The following SP140 variants were observed in gnomAD, a reference collection of about 807,000 sequenced individuals.
SP140 encodes the protein SP140 nuclear body protein.
A neutral mutation model predicts 125.0 loss-of-function variants in SP140; 81 were observed. The ratio of observed to expected loss-of-function variants is 0.65; its 90% CI spans 0.54 to 0.78. SP140 has a LOEUF of 0.78. SP140 is among the 30% of genes least tolerant of loss of function. The pLI is 0.00. For synonymous variants in SP140, 312 were observed against 354.0 expected (o/e 0.88, Z 1.33); for missense variants, 858 against 1,037.0 (o/e 0.83, Z 2.37).
At chr2:230,186,359 C>T in the SP140 span, among the ~76,000 whole-genome samples, 2 of 152,132 alleles carry the variant, frequency 1.3e-5, no homozygotes, top group African/African-American at 2.4e-5. Flanking sequence ...ATGCAAGCTC[C>T]ACTAGTGTAG....
chr2:230,302,723 G>C (rs951951188), intron 22 of SP140, among the ~76,000 whole-genome samples: 1 of 152,120 alleles, frequency 6.6e-6, no homozygotes, highest in Admixed American at 6.6e-5. Flanking sequence ...TCAGACCACA[G>C]TGGAATAAAA....
At chr2:230,252,316 C>A (rs1427875056) in intron 10 of SP140, among the ~76,000 whole-genome samples, 1 of 151,848 alleles carries the variant, frequency 6.6e-6, no homozygotes, top group African/African-American at 2.4e-5. Flanking sequence ...AGGACAGTTG[C>A]CTTCATAGAG....
chr2:230,306,890 A>G (rs1211643299), intron 22 of SP140, among the ~76,000 whole-genome samples: 1 of 152,146 alleles, frequency 6.6e-6, no homozygotes, highest in Non-Finnish European at 1.5e-5. Context: ...GTGAGGCACC[A>G]CCTTCAGGCA....
chr2:230,254,275 A>G (rs1010282744), intron 11 of SP140, among the ~76,000 whole-genome samples: 5 of 152,210 alleles, frequency 3.3e-5, no homozygotes, highest in African/African-American at 1.2e-4. Context: ...AGTCAGAGTT[A>G]CTAGACAGCA....
At chr2:230,248,353 T>C (rs2049813305) in intron 8 of SP140, among the ~76,000 whole-genome samples, 1 of 152,168 alleles carries the variant, frequency 6.6e-6, no homozygotes, top group South Asian at 2.1e-4. Context: ...TGGGTGATGG[T>C]TGTGCAAGGC....
At chr2:230,210,154 T>G (rs184489442) in intron 1 of SP140, 39 of 729,322 alleles carry the variant, frequency 5.3e-5, no homozygotes, top group South Asian at 1.4e-4. Context: ...CCTGGCTCTG[T>G]CTTGATTTTT....
chr2:230,232,365 C>G (rs2149067239), intron 1 of SP140, among the ~76,000 whole-genome samples: 1 of 152,326 alleles, frequency 6.6e-6, no homozygotes, highest in Admixed American at 6.5e-5. Context: ...GGCTAATTCT[C>G]TGGATTTGCC....
the SP140 span, among the ~76,000 whole-genome samples, chr2:230,196,858 C>T: frequency 2.1e-4 from 32 of 152,180 alleles, no homozygotes; most frequent in Non-Finnish European, 4.0e-4. Context: ...CATGTCCCTA[C>T]AAAGGACATG....
At chr2:230,230,920 G>A (rs138713300) in intron 1 of SP140, among the ~76,000 whole-genome samples, 18 of 152,028 alleles carry the variant, frequency 1.2e-4, no homozygotes, top group African/African-American at 4.3e-4. Flanking sequence ...CAGCATTCTT[G>A]GATATTGTGT....
At chr2:230,224,540 G>A (rs2148996330), upstream of SP140, among the ~76,000 whole-genome samples, 1 of 151,556 alleles carries the variant, frequency 6.6e-6, no homozygotes. Flanking sequence ...AGAGGAGAGA[G>A]AGAGAGATAC....
chr2:230,301,871 G>A (rs1009078408), intron 22 of SP140, among the ~76,000 whole-genome samples: 1 of 152,128 alleles, frequency 6.6e-6, no homozygotes, highest in Non-Finnish European at 1.5e-5. Flanking sequence ...CCAGGCACCT[G>A]CTGTCTTCAA....
intron 3 of SP140, chr2:230,239,104 G>T: frequency 7.9e-7 from 1 of 1,271,056 alleles, no homozygotes; most frequent in South Asian, 1.8e-5. Flanking sequence ...ATGAAGAATG[G>T]GATGTGTTGA....
chr2:230,299,443 A>G (rs2058080620), intron 22 of SP140, among the ~76,000 whole-genome samples: 1 of 152,218 alleles, frequency 6.6e-6, no homozygotes, highest in Admixed American at 6.5e-5. Context: ...AAGGATCCCT[A>G]TAAGCATTTC....
At chr2:230,217,169 C>A (rs41309080) in intron 3 of SP140, among the ~76,000 whole-genome samples, 14 of 140,036 alleles carry the variant, frequency 1.0e-4, no homozygotes, top group African/African-American at 3.8e-4. Flanking sequence ...TTGCTTGAAC[C>A]GGGGAGGTGG....
At chr2:230,311,825 C>T (rs1310361995) in intron 26 of SP140, among the ~76,000 whole-genome samples, 1 of 152,246 alleles carries the variant, frequency 6.6e-6, no homozygotes, top group African/African-American at 2.4e-5. Flanking sequence ...TCCTCCCCCA[C>T]CTGCCCCAGA....
intron 16 of SP140, among the ~76,000 whole-genome samples, chr2:230,285,156 T>C (rs562162252): frequency 6.6e-6 from 1 of 152,332 alleles, no homozygotes; most frequent in Non-Finnish European, 1.5e-5. Flanking sequence ...TATCATTTTA[T>C]TTTCTGAATT....
intron 1 of SP140, chr2:230,212,891 G>C (rs766060249): frequency 6.2e-7 from 1 of 1,614,170 alleles, no homozygotes; most frequent in Admixed American, 1.7e-5. Context: ...TTGGCGCACA[G>C]GGTGAACAGC....
chr2:230,293,770 C>T (rs1032345703), intron 20 of SP140, among the ~76,000 whole-genome samples: 1 of 152,214 alleles, frequency 6.6e-6, no homozygotes, highest in African/African-American at 2.4e-5. Flanking sequence ...ACCAGGCCTT[C>T]CCAGGGCTCC....
At chr2:230,228,416 G>A (rs2046765741) in intron 1 of SP140, among the ~76,000 whole-genome samples, 2 of 152,178 alleles carry the variant, frequency 1.3e-5, no homozygotes, top group Non-Finnish European at 2.9e-5. Context: ...GATTGCTATT[G>A]CTCATCAGGT....
Sources: gnomAD v4.1 joint callset for allele counts (sites outside exome capture counted in the v4.1 genomes callset) on GRCh38, gnomAD v4.1.1 for gene constraint, MANE v1.5 for transcripts, NCBI Gene and HGNC (gene_info 2026-07-23, HGNC 2026-07-21) for gene names.